The following CNTN1 variants were observed in gnomAD, a reference collection of about 807,000 sequenced individuals.
CNTN1 encodes the protein contactin-1.
A neutral mutation model predicts 126.4 loss-of-function variants in CNTN1; 38 were observed. The observed-to-expected ratio is 0.30, with a 90% confidence interval of 0.23 to 0.39. The LOEUF (loss-of-function observed/expected upper bound fraction) is 0.39. CNTN1 is among the 10% of genes least tolerant of loss of function. CNTN1 has a pLI of 1.00. For missense variants in CNTN1, 1,009 were observed against 1,248.4 expected (o/e 0.81, Z 2.89); for synonymous variants, 413 against 422.6 (o/e 0.98, Z 0.28).
intron 1 of CNTN1, among the ~76,000 whole-genome samples, chr12:40,776,175 C>T (rs575767551): frequency 2.0e-5 from 3 of 151,550 alleles, no homozygotes; most frequent in Admixed American, 1.3e-4. Context: ...ATTATAGTTT[C>T]TGTGTTATAC....
At chr12:40,881,785 G>T (rs1019799216) in intron 1 of CNTN1, among the ~76,000 whole-genome samples, 2 of 151,760 alleles carry the variant, frequency 1.3e-5, no homozygotes, top group African/African-American at 4.8e-5. Flanking sequence ...TTTTCCTCAT[G>T]TGAGTTCTGG....
chr12:40,854,753 C>T (rs1942837732), intron 1 of CNTN1, among the ~76,000 whole-genome samples: 1 of 152,074 alleles, frequency 6.6e-6, no homozygotes. Flanking sequence ...TCTAAAGCAA[C>T]TGATTTCAGA....
chr12:40,979,006 T>C (rs939084318), intron 15 of CNTN1: 2 of 152,202 alleles, frequency 1.3e-5, no homozygotes, highest in Admixed American at 1.3e-4. Context: ...CTGCATTATG[T>C]GAAGTAATGA....
At chr12:40,825,462 A>G (rs1941581759) in intron 1 of CNTN1, among the ~76,000 whole-genome samples, 1 of 152,134 alleles carries the variant, frequency 6.6e-6, no homozygotes, top group African/African-American at 2.4e-5. Flanking sequence ...CATATTATAG[A>G]GTTCACTCCT....
intron 14 of CNTN1, among the ~76,000 whole-genome samples, chr12:40,953,716 T>A (rs1465660952): frequency 1.3e-5 from 2 of 152,046 alleles, no homozygotes; most frequent in African/African-American, 4.8e-5. Flanking sequence ...AATTAATAAA[T>A]ATAAATTTAA....
rs1949931484 is a variant in CNTN1, at chr12:41,061,197, CA to C, written c.2981-8758del. 2.0e-5 allele frequency among the ~76,000 whole-genome samples: 3 copies of C among 152,266 alleles called. No homozygotes were observed. In the South Asian group the frequency reaches 6.2e-4, roughly 32 times the overall value. ...ATGGTCTCACCTTGCCCCAAAATAT[CA>C]AAATTGGGCTTGTTGAGCATGTGCT... On this transcript the variant is annotated intron_variant, in intron 23 of 23. Coordinates refer to ENST00000551295, the MANE Select transcript of CNTN1 (RefSeq NM_001843.4).
intron 23 of CNTN1, among the ~76,000 whole-genome samples, chr12:41,035,560 A>C (rs1380023931): frequency 6.6e-6 from 1 of 152,326 alleles, no homozygotes; most frequent in East Asian, 1.9e-4. Flanking sequence ...AACAAATAAT[A>C]AAACAATTAG....
rs541996533 is a variant in CNTN1 at position 40,868,760 on chromosome 12, G to A, written c.-76-39597G>A. 5.9e-5 allele frequency among the ~76,000 whole-genome samples: 9 copies of A among 152,076 alleles called. No individual in the cohort carries two copies. The South Asian group carries it at 1.9e-3, about 32-fold the overall frequency. ...ACAATTTCATGGTCTTTGTCTCTAC[G>A]TGCAGTCAATTATAAATTCTGTGTG... is the stretch of plus-strand genomic sequence containing the variant. On this transcript the variant is annotated intron_variant, in intron 1 of 23. Transcript: ENST00000551295.
chr12:40,864,481 C>T (rs1943233602), intron 1 of CNTN1, among the ~76,000 whole-genome samples: 15 of 152,108 alleles, frequency 9.9e-5, no homozygotes, highest in Admixed American at 9.8e-4. Flanking sequence ...GTGTTGGCTT[C>T]ATTCTGCCCC....
At chr12:40,777,724 T>C (rs1046341501) in intron 1 of CNTN1, among the ~76,000 whole-genome samples, 8 of 151,808 alleles carry the variant, frequency 5.3e-5, no homozygotes, top group Non-Finnish European at 1.2e-4. Flanking sequence ...TGAGCACACA[T>C]GGTAGCTCTG....
chr12:40,778,394 G>A (rs115671708), intron 1 of CNTN1, among the ~76,000 whole-genome samples: 2,355 of 151,816 alleles, frequency 0.016, 60 homozygotes, highest in African/African-American at 0.054. Context: ...GGGCAGAATT[G>A]GGTAGTTGTC....
intron 1 of CNTN1, among the ~76,000 whole-genome samples, chr12:40,764,119 G>A (rs1046909271): frequency 6.6e-6 from 1 of 152,084 alleles, no homozygotes; most frequent in African/African-American, 2.4e-5. Context: ...TAATAGAAGG[G>A]GTACTCCTTC....
intron 15 of CNTN1, among the ~76,000 whole-genome samples, chr12:40,975,226 T>C (rs1181779936): frequency 7.5e-6 from 1 of 133,058 alleles, no homozygotes; most frequent in Non-Finnish European, 1.6e-5. Flanking sequence ...ATATATATGT[T>C]TTAGTGGACT....
chr12:40,876,949 C>G (rs1338222914), intron 1 of CNTN1, among the ~76,000 whole-genome samples: 1 of 152,010 alleles, frequency 6.6e-6, no homozygotes, highest in Non-Finnish European at 1.5e-5. Flanking sequence ...AAATTTTGGG[C>G]TACTTGTCTT....
At chr12:40,720,003 AT>A (rs561694238) in intron 1 of CNTN1, among the ~76,000 whole-genome samples, 3,733 of 127,218 alleles carry the variant, frequency 0.029, 44 homozygotes, top group Non-Finnish European at 0.039. Context: ...CGCCCGGTTA[AT>A]TTTTTTTTTT....
chr12:40,929,416 T>C (rs1393414677), intron 6 of CNTN1, among the ~76,000 whole-genome samples: 1 of 151,976 alleles, frequency 6.6e-6, no homozygotes, highest in Non-Finnish European at 1.5e-5. Flanking sequence ...AAAATGCAGT[T>C]TGGCAGATTA....
chr12:40,722,824 C>A (rs1246484726), intron 1 of CNTN1, among the ~76,000 whole-genome samples: 1 of 151,964 alleles, frequency 6.6e-6, no homozygotes, highest in Non-Finnish European at 1.5e-5. Context: ...AGTAAGAAAA[C>A]CTCTGCATAT....
chr12:40,805,813 T>C (rs1248897382), intron 1 of CNTN1, among the ~76,000 whole-genome samples: 2 of 152,050 alleles, frequency 1.3e-5, no homozygotes, highest in African/African-American at 4.8e-5. Flanking sequence ...GCAGTCCCCT[T>C]CTATTGGGTT....
chr12:40,942,013 A>G (rs992985310), intron 12 of CNTN1, among the ~76,000 whole-genome samples: 30 of 152,194 alleles, frequency 2.0e-4, no homozygotes, highest in African/African-American at 7.2e-4. Context: ...AAAGATGGTA[A>G]AAGATCAATT....
Sources: gnomAD v4.1 joint callset for allele counts (sites outside exome capture counted in the v4.1 genomes callset) on GRCh38, gnomAD v4.1.1 for gene constraint, MANE v1.5 for transcripts, NCBI Gene and HGNC (gene_info 2026-07-23, HGNC 2026-07-21) for gene names.